Variants in SNX25 observed in about 807,000 individuals in gnomAD.
SNX25 encodes the protein sorting nexin-25.
Under a neutral mutation model 113.7 loss-of-function variants are expected in SNX25, and 62 were observed. That is an observed-to-expected ratio of 0.55 (90% CI 0.44 to 0.67). The LOEUF (loss-of-function observed/expected upper bound fraction) is 0.67. SNX25 is among the 30% of genes least tolerant of loss of function. SNX25 has a pLI of 0.00. For missense variants in SNX25, 1,014 were observed against 1,161.0 expected (o/e 0.87, Z 1.84); for synonymous variants, 421 against 436.2 (o/e 0.97, Z 0.43).
chr4:185,212,473 G>A (rs1435026557), intron 1 of SNX25, among the ~76,000 whole-genome samples: 1 of 75,056 alleles, frequency 1.3e-5, no homozygotes, highest in Admixed American at 1.4e-4. Flanking sequence ...ATGTGTGTGT[G>A]TGTGTGTGTG....
downstream of SNX25, chr4:185,371,032 G>A: frequency 2.2e-6 from 1 of 461,816 alleles, no homozygotes; most frequent in South Asian, 4.2e-5. Context: ...CTGTAATTAT[G>A]CTCAGCAGGC....
chr4:185,324,580 G>A (rs939846639), intron 9 of SNX25, among the ~76,000 whole-genome samples: 4 of 152,118 alleles, frequency 2.6e-5, no homozygotes, highest in African/African-American at 4.8e-5. Flanking sequence ...TGGCTGGAGG[G>A]GAGGTTATCT....
chr4:185,280,779 TATGTC>T (rs960313940), intron 5 of SNX25, among the ~76,000 whole-genome samples: 50 of 152,224 alleles, frequency 3.3e-4, no homozygotes, highest in African/African-American at 1.2e-3. Context: ...TGTTTGGAAT[TATGTC>T]AGTAAGAATG....
chr4:185,300,261 C>T (rs1285470062), intron 6 of SNX25, among the ~76,000 whole-genome samples: 1 of 151,690 alleles, frequency 6.6e-6, no homozygotes, highest in Non-Finnish European at 1.5e-5. Flanking sequence ...AGGGTTCCAG[C>T]GATTCTCCTG....
At position 185,353,540 on chromosome 4, in the gene SNX25, G is replaced by A; in HGVS notation, c.2522G>A (p.Arg841Lys). 6.2e-7 allele frequency: 1 copy of A among 1,614,156 alleles called. No homozygotes were observed. The highest frequency in any genetic ancestry group is 1.1e-5 in the South Asian group (1 of 91,082). The change falls in exon 15 of 19, where the codon AGG (arginine) becomes AAG (lysine). Residue 841 changes from arginine (R) to lysine (K), a missense_variant. By Grantham distance (26) the Arg-to-Lys change is conservative. Coordinates refer to ENST00000652585, the MANE Select transcript of SNX25 (RefSeq NM_001378034.2). ...LSDYGDDVDG[R>K]KDALAEPCFM... is the part of the protein sequence containing the mutation. ...GATTATGGTGATGATGTGGATGGGAGGAAAGACGCCTTGGCTGAACCATGT... is the reference window on the plus strand; with the variant it reads ...GATTATGGTGATGATGTGGATGGGAAGAAAGACGCCTTGGCTGAACCATGT...
intron 7 of SNX25, among the ~76,000 whole-genome samples, chr4:185,314,641 C>T (rs1231744165): frequency 1.3e-5 from 2 of 151,646 alleles, no homozygotes; most frequent in African/African-American, 2.4e-5. Context: ...AGGCGGATCA[C>T]GAGGTCAAGA....
Position 185,341,969 on chromosome 4 carries a change from C to T in SNX25, c.2047-7C>T, listed in dbSNP as rs768269165. 9 of 1,573,556 alleles carry T rather than the reference C, an allele frequency of 5.7e-6. No homozygotes were observed. The highest frequency in any genetic ancestry group is 7.7e-6 in the Non-Finnish European group (9 of 1,163,938). Reference sequence around the variant, plus strand: ...TTGTAAGTATCGATTTTGATGTTTTCCCCAAGGTTACAGAAGAGAATGGTG... The same window carrying T: ...TTGTAAGTATCGATTTTGATGTTTTTCCCAAGGTTACAGAAGAGAATGGTG... On this transcript the variant is annotated splice_region_variant and splice_polypyrimidine_tract_variant and intron_variant, in intron 11 of 18. Coordinates refer to ENST00000652585, the MANE Select transcript of SNX25 (RefSeq NM_001378034.2).
intron 5 of SNX25, among the ~76,000 whole-genome samples, chr4:185,285,795 C>T (rs113009852): frequency 0.022 from 3,286 of 152,228 alleles, 44 homozygotes; most frequent in Non-Finnish European, 0.033. Context: ...GTTTTTGAGA[C>T]GGGGTCTTGC....
intron 5 of SNX25, among the ~76,000 whole-genome samples, chr4:185,277,047 A>C (rs1171637958): frequency 1.3e-5 from 2 of 152,112 alleles, no homozygotes; most frequent in Non-Finnish European, 2.9e-5. Flanking sequence ...TTTTTCAAGA[A>C]GGAGTCTCGC....
In SNX25 at chr4:185,275,495, T is replaced by C. The variant is rs182208810; in HGVS notation, c.1091+8340T>C. Among the ~76,000 whole-genome samples the C allele has an allele frequency of 4.1e-4, 63 of 152,354 alleles. No homozygotes were observed. The East Asian group carries it at 0.01, about 25-fold the overall frequency. ...AAAGTGGGTTACTGATGGAGCTTTC[T>C]ATTTTGCTTATTTTCTCTTTAGCTA... On this transcript the variant is annotated intron_variant, in intron 5 of 18. Coordinates refer to ENST00000652585, the MANE Select transcript of SNX25 (RefSeq NM_001378034.2).
intron 2 of SNX25, among the ~76,000 whole-genome samples, chr4:185,249,826 TTCTC>T (rs1241073288): frequency 6.6e-6 from 1 of 152,212 alleles, no homozygotes; most frequent in Non-Finnish European, 1.5e-5. Flanking sequence ...TCTGCTGAGA[TTCTC>T]TCGTCTGTCA....
intron 6 of SNX25, among the ~76,000 whole-genome samples, chr4:185,298,093 C>CTTTTTTTTTTTT (rs6148841): frequency 7.3e-6 from 1 of 137,160 alleles, no homozygotes; most frequent in Non-Finnish European, 1.5e-5. Flanking sequence ...ATAGTAACTT[C>CTTTTTTTTTTTT]TTTTTTTTTT....
chr4:185,253,008 C>T (rs924096544), intron 2 of SNX25, among the ~76,000 whole-genome samples: 1 of 152,136 alleles, frequency 6.6e-6, no homozygotes, highest in African/African-American at 2.4e-5. Context: ...CCCTTCTGTA[C>T]CAGATAGCTT....
intron 9 of SNX25, among the ~76,000 whole-genome samples, chr4:185,332,104 T>C (rs140045037): frequency 5.6e-4 from 86 of 152,368 alleles, no homozygotes; most frequent in African/African-American, 1.7e-3. Context: ...CCTATTGATT[T>C]GTAGAATATA....
chr4:185,240,422 GGGGCGGCTGGCC>G (rs1743609858), intron 1 of SNX25, among the ~76,000 whole-genome samples: 1 of 146,586 alleles, frequency 6.8e-6, no homozygotes, highest in African/African-American at 2.6e-5. Context: ...CCTCCCGGAT[GGGGCGGCTGGCC>G]GGGCAGAGGG....
intron 15 of SNX25, among the ~76,000 whole-genome samples, 172 bp downstream of exon 15, chr4:185,353,774 G>C (rs557134827): frequency 7.9e-5 from 12 of 152,258 alleles, no homozygotes; most frequent in African/African-American, 2.9e-4. Context: ...GGCCGGGCAC[G>C]GTGGCTCACG....
At chr4:185,281,414 T>C (rs1440600290) in intron 5 of SNX25, among the ~76,000 whole-genome samples, 1 of 152,152 alleles carries the variant, frequency 6.6e-6, no homozygotes, top group African/African-American at 2.4e-5. Context: ...AAAATTACTC[T>C]TATTACTCTT....
chr4:185,221,965 G>A (rs1579338523), intron 1 of SNX25, among the ~76,000 whole-genome samples: 2 of 148,444 alleles, frequency 1.3e-5, no homozygotes, highest in Admixed American at 1.3e-4. Context: ...CCTCCTTCAC[G>A]GTAGGAATAT....
chr4:185,273,049 C>A (rs907416422), intron 5 of SNX25, among the ~76,000 whole-genome samples: 7 of 152,102 alleles, frequency 4.6e-5, no homozygotes, highest in Non-Finnish European at 1.0e-4. Context: ...AAAATGCTTC[C>A]GGACATTGCC....
Sources: allele counts gnomAD v4.1 joint callset (sites outside exome capture counted in the v4.1 genomes callset), GRCh38; gene constraint gnomAD v4.1.1; transcripts MANE v1.5; gene names NCBI Gene and HGNC (gene_info 2026-07-23, HGNC 2026-07-21).